The following TMEM74 variants were observed in gnomAD, a reference collection of about 807,000 sequenced individuals.
The protein encoded by TMEM74 is transmembrane protein 74.
TMEM74 carries 13 observed loss-of-function variants against 18.1 expected under a neutral mutation model. The ratio of observed to expected loss-of-function variants is 0.72; its 90% CI spans 0.47 to 1.14. TMEM74 has a LOEUF of 1.14. TMEM74 is among the 50% of genes most tolerant of loss of function. TMEM74 has a pLI of 0.00. For missense variants in TMEM74, 372 were observed against 375.9 expected, an observed-to-expected ratio of 0.99 and a Z score of 0.09; for synonymous variants, 159 against 146.6, an observed-to-expected ratio of 1.08 and a Z score of -0.61.
In TMEM74 at chr8:108,756,643, AAAGAAAG is replaced by A. The variant is rs1563543726; in HGVS notation, n.119+30826_119+30832del. On this transcript the variant is annotated intron_variant and non_coding_transcript_variant, in intron 1 of 3. Transcript: ENST00000518838. ...GGAAGGAAGGAAGGAAGGAAGGAAGAAAGAAAGAGAAAGAAAGAAAGAAAGAAAGAAA... is the reference window on the plus strand; with the variant it reads ...GGAAGGAAGGAAGGAAGGAAGGAAGAAGAAAGAAAGAAAGAAAGAAAGAAA... Among the ~76,000 whole-genome samples, 30 of 49,062 alleles carry A rather than the reference AAAGAAAG, an allele frequency of 6.1e-4. 1 individual carries two copies. The highest frequency in any genetic ancestry group is 2.4e-3 in the African/African-American group (29 of 11,844). 32.2% of individuals were successfully genotyped at this position (49,062 alleles called of 152,430 possible).
intron 1 of TMEM74, among the ~76,000 whole-genome samples, chr8:108,758,957 A>G (rs901476071): frequency 6.6e-6 from 1 of 152,068 alleles, no homozygotes; most frequent in African/African-American, 2.4e-5. Context: ...AAATGACGAT[A>G]CCATACTACA....
At chr8:108,669,270 T>C (rs1216871641) in intron 1 of TMEM74, among the ~76,000 whole-genome samples, 1 of 152,152 alleles carries the variant, frequency 6.6e-6, no homozygotes, top group Admixed American at 6.6e-5. Flanking sequence ...CCTAAGACTT[T>C]GCCAAAGTCG....
intron 1 of TMEM74, among the ~76,000 whole-genome samples, chr8:108,717,942 G>GTTTTTTTTTTTTTT (rs869263977): frequency 2.2e-5 from 1 of 45,920 alleles, no homozygotes; most frequent in Non-Finnish European, 3.5e-5. Flanking sequence ...TCTGACTTAG[G>GTTTTTTTTTTTTTT]TTTTTTTTTT....
At chr8:108,627,389 T>C (rs1266885238) in intron 2 of TMEM74, among the ~76,000 whole-genome samples, 1 of 151,934 alleles carries the variant, frequency 6.6e-6, no homozygotes, top group Non-Finnish European at 1.5e-5. Flanking sequence ...ACAGAAGGAA[T>C]CCAAATTCTT....
chr8:108,680,944 G>A (rs1205461213), intron 1 of TMEM74, among the ~76,000 whole-genome samples: 1 of 152,120 alleles, frequency 6.6e-6, no homozygotes, highest in Non-Finnish European at 1.5e-5. Context: ...AAATACCTAG[G>A]AATCCAACTT....
At chr8:108,773,439 G>A (rs1201602868) in intron 1 of TMEM74, among the ~76,000 whole-genome samples, 1 of 152,166 alleles carries the variant, frequency 6.6e-6, no homozygotes, top group Non-Finnish European at 1.5e-5. Flanking sequence ...GAAGGATTTA[G>A]AAAAATCAAA....
At chr8:108,768,838 G>A (rs547004848) in intron 1 of TMEM74, among the ~76,000 whole-genome samples, 4 of 152,272 alleles carry the variant, frequency 2.6e-5, no homozygotes, top group African/African-American at 9.6e-5. Context: ...GTAGACCTCA[G>A]TAGAAGGGTA....
intron 1 of TMEM74, among the ~76,000 whole-genome samples, chr8:108,703,366 C>A (rs746810606): frequency 5.9e-5 from 9 of 152,188 alleles, no homozygotes; most frequent in Non-Finnish European, 1.3e-4. Context: ...CTTCTCAATA[C>A]AGTTGCCCTT....
chr8:108,638,022 G>A (rs576680824), intron 2 of TMEM74, among the ~76,000 whole-genome samples: 2 of 152,162 alleles, frequency 1.3e-5, no homozygotes, highest in East Asian at 3.9e-4. Context: ...ACCTCTCTTT[G>A]CAGACACATT....
intron 1 of TMEM74, among the ~76,000 whole-genome samples, chr8:108,770,913 A>T (rs1430847858): frequency 6.6e-6 from 1 of 152,128 alleles, no homozygotes; most frequent in East Asian, 1.9e-4. Context: ...ACATGAAGAC[A>T]TGAGCTGTTC....
chr8:108,737,594 T>C (rs1813761191), intron 1 of TMEM74, among the ~76,000 whole-genome samples: 1 of 152,204 alleles, frequency 6.6e-6, no homozygotes, highest in South Asian at 2.1e-4. Context: ...AGAAAGACAC[T>C]AAGTCATACT....
chr8:108,624,613 A>G (rs1423398924), intron 2 of TMEM74, among the ~76,000 whole-genome samples: 3 of 152,094 alleles, frequency 2.0e-5, no homozygotes, highest in Non-Finnish European at 4.4e-5. Context: ...CTAAATTTTA[A>G]ACATTTCAAC....
chr8:108,686,356 GC>G (rs1018060789), intron 1 of TMEM74, among the ~76,000 whole-genome samples: 3 of 151,212 alleles, frequency 2.0e-5, no homozygotes, highest in Admixed American at 6.6e-5. Context: ...CTGCCACCGC[GC>G]CCGGCTAATT....
In TMEM74 at chr8:108,679,252, G is replaced by A. The variant is rs570691247; in HGVS notation, n.120-23815C>T. On this transcript the variant is annotated intron_variant and non_coding_transcript_variant, in intron 1 of 3. Transcript: ENST00000518838. ...CAGCAGCATGATTTATAATCCTTTG[G>A]GTATATACCCAGTAATGGGATGGCT... 5.9e-4 allele frequency among the ~76,000 whole-genome samples: 90 copies of A among 152,112 alleles called. 1 individual carries two copies. The highest frequency in any genetic ancestry group is 2.1e-3 in the African/African-American group (89 of 41,486).
chr8:108,671,386 C>T (rs943896188), intron 1 of TMEM74, among the ~76,000 whole-genome samples: 7 of 152,140 alleles, frequency 4.6e-5, no homozygotes, highest in African/African-American at 1.7e-4. Context: ...TTAGAAGGCC[C>T]CCTGGGGCAA....
At chr8:108,608,368 C>T (rs1812300741) in intron 3 of TMEM74, among the ~76,000 whole-genome samples, 1 of 149,674 alleles carries the variant, frequency 6.7e-6, no homozygotes, top group Non-Finnish European at 1.5e-5. Flanking sequence ...TTAAGAAGAA[C>T]ATTGGTATTG....
At chr8:108,629,451 A>G (rs1272670046) in intron 2 of TMEM74, among the ~76,000 whole-genome samples, 5 of 152,112 alleles carry the variant, frequency 3.3e-5, no homozygotes, top group Non-Finnish European at 7.4e-5. Context: ...CTAGTAAGAA[A>G]GGCCAACATC....
At chr8:108,776,338 C>T (rs1000044768), downstream of TMEM74, among the ~76,000 whole-genome samples, 54 of 152,164 alleles carry the variant, frequency 3.5e-4, no homozygotes, top group African/African-American at 1.3e-3. Context: ...ACTAAAAATA[C>T]AAAAATTAGC....
downstream of TMEM74, among the ~76,000 whole-genome samples, chr8:108,778,428 G>A (rs1056522061): frequency 4.6e-5 from 7 of 152,118 alleles, no homozygotes; most frequent in African/African-American, 1.7e-4. Context: ...GAGAGACTGT[G>A]GAAATGTAAC....
Sources: gnomAD v4.1 joint callset for allele counts (sites outside exome capture counted in the v4.1 genomes callset) on GRCh38, gnomAD v4.1.1 for gene constraint, MANE v1.5 for transcripts, NCBI Gene and HGNC (gene_info 2026-07-23, HGNC 2026-07-21) for gene names.